The following SGCD variants were observed in gnomAD, a reference collection of about 807,000 sequenced individuals.
SGCD encodes delta-sarcoglycan.
In SGCD, 18 loss-of-function variants were observed where a neutral mutation model predicts 36.6. The observed-to-expected ratio is 0.49, with a 90% confidence interval of 0.34 to 0.73. The LOEUF (loss-of-function observed/expected upper bound fraction) is 0.73. Ranked by LOEUF, SGCD falls within the 30% of genes least tolerant of loss-of-function variation. The pLI is 0.01. For missense variants in SGCD, 387 were observed against 346.7 expected, an observed-to-expected ratio of 1.12 and a Z score of -0.92; for synonymous variants, 133 against 130.6, an observed-to-expected ratio of 1.02 and a Z score of -0.12.
chr5:155,964,266 T>C (rs1022942563), intron 1 of SGCD, among the ~76,000 whole-genome samples: 1 of 152,126 alleles, frequency 6.6e-6, no homozygotes, highest in African/African-American at 2.4e-5. Context: ...TTAGCAAATA[T>C]TATGATTTGG....
intron 3 of SGCD, among the ~76,000 whole-genome samples, chr5:156,391,241 T>A (rs751677973): frequency 2.0e-5 from 3 of 152,276 alleles, no homozygotes; most frequent in Non-Finnish European, 2.9e-5. Context: ...TACACATTTA[T>A]AGCCTATGAG....
At chr5:156,410,421 T>C (rs1407325488) in intron 3 of SGCD, among the ~76,000 whole-genome samples, 4 of 152,206 alleles carry the variant, frequency 2.6e-5, no homozygotes, top group Non-Finnish European at 5.9e-5. Flanking sequence ...TTTGGTACTA[T>C]GCTCACTACC....
At chr5:155,796,251 T>A in the SGCD span, among the ~76,000 whole-genome samples, 1 of 152,184 alleles carries the variant, frequency 6.6e-6, no homozygotes, top group Non-Finnish European at 1.5e-5. Flanking sequence ...ATTCAGATTA[T>A]ATAATCTGGT....
chr5:156,009,713 G>C (rs946765554), intron 1 of SGCD, among the ~76,000 whole-genome samples: 7 of 152,136 alleles, frequency 4.6e-5, no homozygotes, highest in Non-Finnish European at 8.8e-5. Flanking sequence ...AGATTTTAAA[G>C]AATTGCCAGC....
chr5:156,296,600 G>T (rs1766898406), intron 3 of SGCD, among the ~76,000 whole-genome samples: 1 of 151,938 alleles, frequency 6.6e-6, no homozygotes, highest in African/African-American at 2.4e-5. Flanking sequence ...TGAATTTTTC[G>T]ATTTTCCTTC....
chr5:156,322,038 A>G (rs1332355569), upstream of SGCD, among the ~76,000 whole-genome samples: 1 of 152,092 alleles, frequency 6.6e-6, no homozygotes, highest in Non-Finnish European at 1.5e-5. Context: ...ACTGTGTTAC[A>G]TCAGACTACC....
chr5:155,888,029 T>G (rs1756046296), intron 1 of SGCD, among the ~76,000 whole-genome samples: 1 of 152,192 alleles, frequency 6.6e-6, no homozygotes, highest in South Asian at 2.1e-4. Flanking sequence ...GAGCTGTAAT[T>G]TACATTCAGG....
At chr5:155,765,487 G>A in the SGCD span, among the ~76,000 whole-genome samples, 1 of 151,804 alleles carries the variant, frequency 6.6e-6, no homozygotes, top group Non-Finnish European at 1.5e-5. Flanking sequence ...GAAGACTTAT[G>A]AATCTGAAGC....
At chr5:155,994,700 A>G (rs1302587497) in intron 1 of SGCD, among the ~76,000 whole-genome samples, 1 of 152,214 alleles carries the variant, frequency 6.6e-6, no homozygotes, top group African/African-American at 2.4e-5. Context: ...AACTGTGAAT[A>G]TAGAAACAAT....
At chr5:156,091,164 T>C (rs1761232663) in intron 1 of SGCD, among the ~76,000 whole-genome samples, 1 of 152,218 alleles carries the variant, frequency 6.6e-6, no homozygotes, top group South Asian at 2.1e-4. Flanking sequence ...GGTGAAGTGA[T>C]AAATGTCCAT....
At position 156,595,164 on chromosome 5, in the gene SGCD, C is replaced by T. The variant is rs1357077015; in HGVS notation, c.502+113C>T. 4.0e-6 allele frequency: 5 copies of T among 1,248,384 alleles called. No individual in the cohort carries two copies. The African/African-American group carries it at 7.6e-5, about 19-fold the overall frequency. 77.3% of individuals were successfully genotyped at this position (1,248,384 alleles called of 1,614,324 possible). A position where few individuals can be genotyped will look rare whatever the true frequency, so the allele number is the denominator to read the frequency against. Reference sequence around the variant, plus strand: ...CCTCCCAAAATTCATATATCGAAATCCTAACTCCCAAGATAATGGTATTAG... The same window carrying T: ...CCTCCCAAAATTCATATATCGAAATTCTAACTCCCAAGATAATGGTATTAG... On this transcript the variant is annotated intron_variant, in intron 6 of 8. Transcript: ENST00000337851.
the SGCD span, among the ~76,000 whole-genome samples, chr5:155,834,829 G>A: frequency 6.7e-6 from 1 of 148,732 alleles, no homozygotes; most frequent in African/African-American, 2.5e-5. Flanking sequence ...ACCATTGAAT[G>A]TAATCTTTTT....
chr5:156,300,136 A>T (rs1486562846), intron 3 of SGCD, among the ~76,000 whole-genome samples: 1 of 152,072 alleles, frequency 6.6e-6, no homozygotes, highest in Admixed American at 6.6e-5. Context: ...AATTTTTATG[A>T]TAAAGGGATG....
rs760399023 is a variant in SGCD, at chr5:156,766,365, C to A, written c.*6975C>A. The A allele has an allele frequency of 1.2e-4, 18 of 151,858 alleles. No homozygotes were observed. The highest frequency in any genetic ancestry group is 3.4e-4 in the African/African-American group (14 of 41,374). The allele number at this position is 151,858 out of a possible 1,614,324, so 9.4% of individuals were successfully genotyped here. ...CTGCATTAGGCATACAATGTCAGAG[C>A]TGAGCTGACCACTCTGGTCCTGTAA... On this transcript the variant is annotated 3_prime_UTR_variant, in exon 9 of 9. Transcript: ENST00000337851.
chr5:156,450,891 T>G (rs1004187241), intron 3 of SGCD, among the ~76,000 whole-genome samples: 4 of 152,084 alleles, frequency 2.6e-5, no homozygotes, highest in African/African-American at 7.2e-5. Context: ...ATAGACATTA[T>G]AGAAAATTTC....
At chr5:156,114,276 T>C (rs931384080) in intron 1 of SGCD, among the ~76,000 whole-genome samples, 1 of 152,128 alleles carries the variant, frequency 6.6e-6, no homozygotes, top group African/African-American at 2.4e-5. Context: ...GCAAGCTTTC[T>C]GAAGTTCAAT....
At chr5:156,184,039 T>C (rs1386469949) in intron 3 of SGCD, among the ~76,000 whole-genome samples, 2 of 152,196 alleles carry the variant, frequency 1.3e-5, no homozygotes, top group African/African-American at 4.8e-5. Context: ...CCAAACATCA[T>C]AGTTTAGCCT....
chr5:156,521,095 T>C (rs1206164284), intron 4 of SGCD, among the ~76,000 whole-genome samples: 1 of 146,766 alleles, frequency 6.8e-6, no homozygotes, highest in Non-Finnish European at 1.5e-5. Context: ...AAACAAGCAA[T>C]GGGGAAAGTA....
chr5:156,202,286 G>C (rs1262196184), intron 3 of SGCD, among the ~76,000 whole-genome samples: 1 of 152,132 alleles, frequency 6.6e-6, no homozygotes, highest in African/African-American at 2.4e-5. Context: ...GTAATTCACA[G>C]TATGTAATAG....
Sources: allele counts gnomAD v4.1 joint callset (sites outside exome capture counted in the v4.1 genomes callset), GRCh38; gene constraint gnomAD v4.1.1; transcripts MANE v1.5; gene names NCBI Gene and HGNC (gene_info 2026-07-23, HGNC 2026-07-21).